Variants in CCDC88C observed in about 807,000 individuals in gnomAD.
The protein encoded by CCDC88C is coiled-coil and HOOK domain protein 88C, also known as protein Daple.
Under a neutral mutation model 198.8 loss-of-function variants are expected in CCDC88C, and 131 were observed. The observed-to-expected ratio is 0.66, with a 90% CI of 0.57 to 0.76. The LOEUF is 0.76. CCDC88C is among the 30% of genes least tolerant of loss of function. The pLI is 0.00. For missense variants in CCDC88C, 2,553 were observed against 2,631.6 expected, an observed-to-expected ratio of 0.97 and a Z score of 0.65; for synonymous variants, 1,166 against 1,114.7, an observed-to-expected ratio of 1.05 and a Z score of -0.92.
At chr14:91,301,508 G>C (rs1891281769) in intron 20 of CCDC88C, among the ~76,000 whole-genome samples, 1 of 152,232 alleles carries the variant, frequency 6.6e-6, no homozygotes, top group Non-Finnish European at 1.5e-5. Flanking sequence ...TTGAGGTAGG[G>C]AGTTCAAAAC....
Position 91,377,919 on chromosome 14 carries a change from G to A in CCDC88C, c.271-18208C>T, listed in dbSNP as rs554282307. Among the ~76,000 whole-genome samples, 11 of 151,280 alleles carry A rather than the reference G, an allele frequency of 7.3e-5. No individual in the cohort carries two copies. In the South Asian group the frequency reaches 2.3e-3, roughly 32 times the overall value. On this transcript the variant is annotated intron_variant, in intron 3 of 29. Transcript: ENST00000389857. ...CTCCTTCTAGGAAGGCTTCCCAGGA[G>A]CACACGACGCTGCTCCATACATGCC...
intron 22 of CCDC88C, among the ~76,000 whole-genome samples, chr14:91,295,879 G>A (rs1890980824): frequency 6.6e-6 from 1 of 152,160 alleles, no homozygotes; most frequent in African/African-American, 2.4e-5. Context: ...CCATGAGGGT[G>A]GGCTCTGATC....
chr14:91,297,215 T>C (rs1013104823), intron 22 of CCDC88C, 90 bp downstream of exon 22: 24 of 1,308,578 alleles, frequency 1.8e-5, no homozygotes, highest in African/African-American at 2.9e-5. Flanking sequence ...CAAATGCCCA[T>C]GAGGACCCCT....
At chr14:91,330,688 G>A (rs954415796) in intron 10 of CCDC88C, among the ~76,000 whole-genome samples, 4 of 152,196 alleles carry the variant, frequency 2.6e-5, no homozygotes, top group African/African-American at 9.7e-5. Flanking sequence ...GCACCCGAGT[G>A]GATGTGACTC....
intron 29 of CCDC88C, among the ~76,000 whole-genome samples, chr14:91,277,035 T>C (rs558062803): frequency 5.4e-4 from 83 of 152,336 alleles, no homozygotes; most frequent in African/African-American, 1.8e-3. Flanking sequence ...AGTGGTGCAA[T>C]GTCAGCTTAC....
intron 12 of CCDC88C, among the ~76,000 whole-genome samples, chr14:91,324,058 A>G (rs771477660): frequency 1.2e-4 from 18 of 152,038 alleles, no homozygotes; most frequent in Middle Eastern, 3.2e-3. Flanking sequence ...CTAAGTAACT[A>G]TGAACTTGCA....
chr14:91,303,887 TTCTCCG>T lies in CCDC88C; in HGVS notation c.3443_3448del (p.Thr1148_Glu1149del). On this transcript the variant is annotated inframe_deletion, in exon 20 of 30. Coordinates refer to ENST00000389857, the MANE Select transcript of CCDC88C (RefSeq NM_001080414.4). ...CTCCTGCTGCCTCTGCAGGCTTTCG[TTCTCCG>T]TCTCCTTGGCCGTGTGGTGGTTCTG... 1.2e-6 allele frequency: 2 copies of T among 1,613,114 alleles called. No individual in the cohort carries two copies. The highest frequency in any genetic ancestry group is 1.7e-6 in the Non-Finnish European group (2 of 1,179,888).
At chr14:91,320,096 C>T (rs548520444) in intron 13 of CCDC88C, among the ~76,000 whole-genome samples, 44 of 147,176 alleles carry the variant, frequency 3.0e-4, no homozygotes, top group African/African-American at 1.0e-3. Context: ...GCACAAGTTT[C>T]GAAAACCCTT....
chr14:91,369,789 C>T (rs186082965), intron 3 of CCDC88C, among the ~76,000 whole-genome samples: 1 of 152,270 alleles, frequency 6.6e-6, no homozygotes, highest in African/African-American at 2.4e-5. Flanking sequence ...TCCATCTGTT[C>T]CACCTCATTT....
intron 3 of CCDC88C, among the ~76,000 whole-genome samples, chr14:91,407,467 A>G (rs1430972372): frequency 1.3e-5 from 2 of 152,226 alleles, no homozygotes; most frequent in Non-Finnish European, 2.9e-5. Flanking sequence ...GTCTGGTCAC[A>G]TGTTTAGTGA....
Position 91,279,216 on chromosome 14 carries a change from T to C in CCDC88C, c.4768+22A>G, listed in dbSNP as rs1050982591. The C allele has an allele frequency of 3.2e-6, 5 of 1,570,204 alleles. No individual in the cohort carries two copies. In the South Asian group the frequency reaches 3.5e-5, roughly 11 times the overall value. On this transcript the variant is annotated intron_variant, in intron 28 of 29. Transcript: ENST00000389857. ...CCTGGCCCAAATCAATTTTTAAAAG[T>C]ACACAGAAGCACAAGACTTACCTTT...
At chr14:91,362,296 G>T (rs2139909278) in intron 3 of CCDC88C, among the ~76,000 whole-genome samples, 1 of 151,814 alleles carries the variant, frequency 6.6e-6, no homozygotes, top group East Asian at 1.9e-4. Context: ...AAAAACAAAG[G>T]TCATCACCAG....
chr14:91,278,889 CTTTTTTT>C (rs10671669), intron 28 of CCDC88C, among the ~76,000 whole-genome samples: 600 of 54,482 alleles, frequency 0.011, 2 homozygotes, highest in Admixed American at 0.019. Context: ...ACCAAATACA[CTTTTTTT>C]TTTTTTTTTT....
At chr14:91,304,843 T>C (rs1250608393) in intron 19 of CCDC88C, among the ~76,000 whole-genome samples, 1 of 152,216 alleles carries the variant, frequency 6.6e-6, no homozygotes, top group African/African-American at 2.4e-5. Flanking sequence ...AGTAAGTCAA[T>C]ATACTATTTT....
Position 91,349,094 on chromosome 14 carries a change from C to T in CCDC88C, c.341-5437G>A, listed in dbSNP as rs150899074. Among the ~76,000 whole-genome samples the T allele has an allele frequency of 1.2e-3, 185 of 152,324 alleles. No individual in the cohort carries two copies. The Middle Eastern group carries it at 0.014, about 11-fold the overall frequency. ...TTCAAAACACAGCAGAAGATTCCCT[C>T]CTGGGTCCTTGCCAGTAAGACTGGC... is the stretch of plus-strand genomic sequence containing the variant. On this transcript the variant is annotated intron_variant, in intron 4 of 29. Transcript: ENST00000389857.
At chr14:91,294,702 T>C (rs1157775147) in intron 22 of CCDC88C, among the ~76,000 whole-genome samples, 2 of 152,260 alleles carry the variant, frequency 1.3e-5, no homozygotes, top group Non-Finnish European at 2.9e-5. Flanking sequence ...TTGCCCAGGC[T>C]GGAGTGGAGT....
chr14:91,370,904 A>AC (rs1567104297), intron 3 of CCDC88C, among the ~76,000 whole-genome samples: 2 of 152,222 alleles, frequency 1.3e-5, no homozygotes, highest in Non-Finnish European at 2.9e-5. Context: ...AGGTCTGGAA[A>AC]CCCAGGTCTC....
intron 20 of CCDC88C, among the ~76,000 whole-genome samples, chr14:91,303,314 T>TGAGA (rs1891395331): frequency 7.2e-6 from 1 of 139,660 alleles, no homozygotes; most frequent in Non-Finnish European, 1.6e-5. Flanking sequence ...CCACCTCTGC[T>TGAGA]CCAGGCTCCA....
At chr14:91,333,245 T>C (rs1892908410) in intron 10 of CCDC88C, among the ~76,000 whole-genome samples, 1 of 152,244 alleles carries the variant, frequency 6.6e-6, no homozygotes, top group Non-Finnish European at 1.5e-5. Context: ...CTTCGAAACA[T>C]ATACTTACTG....
Sources: gnomAD v4.1 joint callset for allele counts (sites outside exome capture counted in the v4.1 genomes callset) on GRCh38, gnomAD v4.1.1 for gene constraint, MANE v1.5 for transcripts, NCBI Gene and HGNC (gene_info 2026-07-23, HGNC 2026-07-21) for gene names.